The following SP110 variants were observed in gnomAD, a reference collection of about 807,000 sequenced individuals.
SP110 encodes the protein interferon-induced protein 41, 30kD.
SP110 carries 62 observed loss-of-function variants against 92.7 expected under a neutral mutation model. The ratio of observed to expected loss-of-function variants is 0.67; its 90% CI spans 0.55 to 0.83. SP110 has a LOEUF of 0.83. Ranked by LOEUF, SP110 falls within the 40% of genes least tolerant of loss-of-function variation. The pLI is 0.00. For synonymous variants in SP110, 273 were observed against 305.3 expected (o/e 0.89, Z 1.10); for missense variants, 793 against 863.9 (o/e 0.92, Z 1.03).
intron 9 of SP110, 81 bp from the exon 10 acceptor site, chr2:230,201,046 C>T (rs2043135117): frequency 1.8e-6 from 2 of 1,085,364 alleles, no homozygotes; most frequent in Admixed American, 3.4e-5. Context: ...GGCCCTTGCA[C>T]ACTCTGAAGT....
chr2:230,174,238 A>C (rs1440442913), intron 14 of SP110: 1 of 152,344 alleles, frequency 6.6e-6, no homozygotes, highest in East Asian at 1.9e-4. Flanking sequence ...CTGTCAAAAA[A>C]TAATTATTGA....
At chr2:230,223,229 G>A (rs1356704601), upstream of SP110, among the ~76,000 whole-genome samples, 1 of 152,020 alleles carries the variant, frequency 6.6e-6, no homozygotes, top group Non-Finnish European at 1.5e-5. Context: ...TAGAGATGGG[G>A]TTTCACCATG....
chr2:230,173,098 C>T (rs1255205271), intron 14 of SP110, 139 bp from the exon 15 acceptor site: 2 of 674,238 alleles, frequency 3.0e-6, no homozygotes, highest in African/African-American at 3.5e-5. Context: ...GGAGCTGATG[C>T]CACCTCCCTG....
intron 9 of SP110, among the ~76,000 whole-genome samples, chr2:230,201,396 G>T (rs2043171827): frequency 6.6e-6 from 1 of 152,184 alleles, no homozygotes; most frequent in African/African-American, 2.4e-5. Context: ...AGATAAAACT[G>T]CTGGTGCCTT....
At chr2:230,206,595 T>TTATA (rs56817002) in intron 8 of SP110, among the ~76,000 whole-genome samples, 1,895 of 69,870 alleles carry the variant, frequency 0.027, 113 homozygotes, top group Non-Finnish European at 0.032. Flanking sequence ...GGTCCAGATT[T>TTATA]TATATATATA....
chr2:230,209,487 A>G (rs916114763), intron 7 of SP110, among the ~76,000 whole-genome samples: 4 of 152,208 alleles, frequency 2.6e-5, no homozygotes, highest in Non-Finnish European at 5.9e-5. Context: ...GGAGAGGATC[A>G]GGGAGGAAGG....
intron 14 of SP110, chr2:230,176,348 T>TAA (rs376449092): frequency 2.9e-6 from 2 of 691,868 alleles, no homozygotes; most frequent in Non-Finnish European, 2.1e-6. Flanking sequence ...CCTAGTTGAT[T>TAA]AAAAAAAAAT....
chr2:230,210,316 G>T (rs1205059664), intron 6 of SP110, among the ~76,000 whole-genome samples: 2 of 152,206 alleles, frequency 1.3e-5, no homozygotes, highest in Admixed American at 1.3e-4. Context: ...GGAAATTGCA[G>T]GAATAAACTG....
At chr2:230,186,174 T>C in intron 10 of SP110, 31 bp from the exon 11 acceptor site, 1 of 1,611,972 alleles carries the variant, frequency 6.2e-7, no homozygotes, top group Non-Finnish European at 8.5e-7. Flanking sequence ...AATAGTTTAG[T>C]GAGCTCCCTT....
Position 230,178,264 on chromosome 2 carries a change from A to G in SP110, c.1349-9T>C. The G allele has an allele frequency of 6.6e-7, 1 of 1,525,064 alleles. No homozygotes were observed. Among genetic ancestry groups the G allele is most frequent in the African/African-American group, 1.4e-5 (1 of 73,276 alleles). The allele number at this position is 1,525,064 out of a possible 1,614,324, so 94.5% of individuals were successfully genotyped here. ...GTCACTTTTGGGTTTTCCTTAAAGT[A>G]GAAGAGAACAGTTTTGTGTTATTCA... On this transcript the variant is annotated splice_polypyrimidine_tract_variant and intron_variant, in intron 12 of 18. Coordinates refer to ENST00000258381, the MANE Select transcript of SP110 (RefSeq NM_080424.4).
At chr2:230,212,007 CT>C (rs1404911514) in intron 5 of SP110, among the ~76,000 whole-genome samples, 2 of 152,166 alleles carry the variant, frequency 1.3e-5, no homozygotes, top group Non-Finnish European at 2.9e-5. Context: ...ATTTTATCAT[CT>C]TTTCTAGTAA....
intron 2 of SP110, among the ~76,000 whole-genome samples, chr2:230,215,746 G>A (rs2045083349): frequency 6.6e-6 from 1 of 152,256 alleles, no homozygotes; most frequent in Admixed American, 6.5e-5. Context: ...CCAACATGGA[G>A]TTGCCTATAT....
chr2:230,172,869 G>A lies in SP110; in HGVS notation c.1681C>T (p.His561Tyr). Residue 561 changes from histidine to tyrosine, a missense_variant, in exon 15 of 19, where the codon CAC (histidine) becomes TAC (tyrosine). His to Tyr is a moderately conservative substitution (Grantham distance 83). Coordinates refer to ENST00000258381, the MANE Select transcript of SP110 (RefSeq NM_080424.4). Reference protein sequence around the residue: ...TCPRVFHEDCHIPPVEAKRML... With the variant: ...TCPRVFHEDCYIPPVEAKRML... ...CTCTTGGCTTCCACAGGGGGGATGTGACAGTCCTCATGGAAGACTCGTGGA... is the reference window on the plus strand; with the variant it reads ...CTCTTGGCTTCCACAGGGGGGATGTAACAGTCCTCATGGAAGACTCGTGGA... 2 of 1,613,524 alleles carry A rather than the reference G, an allele frequency of 1.2e-6. No homozygotes were observed. The highest frequency in any genetic ancestry group is 1.7e-6 in the Non-Finnish European group (2 of 1,179,398).
At chr2:230,214,688 G>A (rs533970741) in intron 3 of SP110, among the ~76,000 whole-genome samples, 32 of 152,202 alleles carry the variant, frequency 2.1e-4, no homozygotes, top group East Asian at 3.9e-4. Context: ...AGATTTTCCA[G>A]TATGCCAAAT....
chr2:230,175,232 C>A (rs1050530836), intron 14 of SP110, among the ~76,000 whole-genome samples: 1 of 152,160 alleles, frequency 6.6e-6, no homozygotes, highest in African/African-American at 2.4e-5. Context: ...GTTCCTTCCC[C>A]ACACGTCACA....
chr2:230,221,282 A>AG, upstream of SP110, among the ~76,000 whole-genome samples: 1 of 138,284 alleles, frequency 7.2e-6, no homozygotes, highest in Non-Finnish European at 1.6e-5. Flanking sequence ...CTCCATCTCG[A>AG]AAAAAAAAAA....
At chr2:230,181,330 C>T (rs2042116795) in intron 12 of SP110, among the ~76,000 whole-genome samples, 2 of 152,210 alleles carry the variant, frequency 1.3e-5, no homozygotes, top group African/African-American at 2.4e-5. Flanking sequence ...CTGTGTGAGG[C>T]ATGGGGAGCT....
intron 12 of SP110, among the ~76,000 whole-genome samples, chr2:230,182,455 TTAAAA>T (rs142262291): frequency 0.082 from 12,422 of 152,188 alleles, 659 homozygotes; most frequent in South Asian, 0.24. Context: ...ATCCTGGAAC[TTAAAA>T]TAAATATTTT....
intron 1 of SP110, 174 bp downstream of exon 1, chr2:230,219,700 T>A (rs1183031651): frequency 6.5e-6 from 1 of 154,958 alleles, no homozygotes; most frequent in East Asian, 1.9e-4. Context: ...GTGTCAGTGT[T>A]CCCTCCATGT....
Sources: gnomAD v4.1 joint callset for allele counts (sites outside exome capture counted in the v4.1 genomes callset) on GRCh38, gnomAD v4.1.1 for gene constraint, MANE v1.5 for transcripts, NCBI Gene and HGNC (gene_info 2026-07-23, HGNC 2026-07-21) for gene names.